The following NCAM1 variants were observed in gnomAD, a reference collection of about 807,000 sequenced individuals.
The protein encoded by NCAM1 is neural cell adhesion molecule 1.
Under a neutral mutation model 109.8 loss-of-function variants are expected in NCAM1, and 14 were observed. That is an observed-to-expected ratio of 0.13 (90% CI 0.08 to 0.20). NCAM1 has a LOEUF of 0.20. Ranked by LOEUF, NCAM1 falls within the 10% of genes least tolerant of loss-of-function variation. The probability of loss-of-function intolerance (pLI) is 1.00; values close to 1 mark genes in which losing one functional copy is unlikely to be tolerated. For synonymous variants in NCAM1, 418 were observed against 442.9 expected, an observed-to-expected ratio of 0.94 and a Z score of 0.70; for missense variants, 774 against 1,109.9, an observed-to-expected ratio of 0.70 and a Z score of 4.30.
At chr11:113,200,977 T>C (rs1555111714) in intron 1 of NCAM1, among the ~76,000 whole-genome samples, 1 of 152,150 alleles carries the variant, frequency 6.6e-6, no homozygotes, top group South Asian at 2.1e-4. Flanking sequence ...GGTTTTCCCC[T>C]CTGATTTTCA....
chr11:112,987,594 A>T (rs1444400408), intron 1 of NCAM1, among the ~76,000 whole-genome samples: 1 of 152,086 alleles, frequency 6.6e-6, no homozygotes, highest in African/African-American at 2.4e-5. Flanking sequence ...ATATATTTAC[A>T]GTTGTTATAT....
chr11:113,014,488 CG>C (rs1175544043), intron 1 of NCAM1, among the ~76,000 whole-genome samples: 1 of 152,140 alleles, frequency 6.6e-6, no homozygotes, highest in Non-Finnish European at 1.5e-5. Flanking sequence ...AAAACAGCCA[CG>C]GGCCTCCTTC....
At chr11:113,084,746 G>A (rs1434333986) in intron 1 of NCAM1, among the ~76,000 whole-genome samples, 2 of 152,166 alleles carry the variant, frequency 1.3e-5, no homozygotes, top group Non-Finnish European at 2.9e-5. Context: ...CTGAGAGCAT[G>A]GGATGTAGAA....
intron 1 of NCAM1, among the ~76,000 whole-genome samples, chr11:113,064,893 T>G (rs1392584144): frequency 6.6e-6 from 1 of 152,230 alleles, no homozygotes; most frequent in African/African-American, 2.4e-5. Flanking sequence ...TTTATAGGTA[T>G]GTGTATATAC....
chr11:113,198,373 A>AC lies in NCAM1; in HGVS notation c.53-4006_53-4005insC, dbSNP rs1334376620. Among the ~76,000 whole-genome samples, 91 of 144,612 alleles carry AC rather than the reference A, an allele frequency of 6.3e-4. No homozygotes were observed. In the South Asian group the frequency reaches 0.012, roughly 19 times the overall value. The allele number at this position is 144,612 out of a possible 152,430, so 94.9% of individuals were successfully genotyped here. A position where few individuals can be genotyped will look rare whatever the true frequency, so the allele number is the denominator to read the frequency against. On this transcript the variant is annotated intron_variant, in intron 1 of 19. Coordinates refer to ENST00000316851, the MANE Select transcript of NCAM1 (RefSeq NM_181351.5). ...ATGATGGCAGCAACTTGATATTAGA[A>AC]TTTTTTTTTTTTTTTTGAGATGGAG...
chr11:112,992,109 T>C (rs1008657780), intron 1 of NCAM1, among the ~76,000 whole-genome samples: 17 of 152,170 alleles, frequency 1.1e-4, no homozygotes, highest in Non-Finnish European at 2.5e-4. Context: ...GGTTCATTAT[T>C]TGTATTCTTG....
rs2134435223 is a variant in NCAM1 at position 112,963,613 on chromosome 11, C to T, written c.52+1949C>T. Reference sequence around the variant, plus strand: ...GCCACCCCGGTTATGCCCCTTTCCGCGGTGCCCGTGGGTGCCGCGACGCGA... The same window carrying T: ...GCCACCCCGGTTATGCCCCTTTCCGTGGTGCCCGTGGGTGCCGCGACGCGA... On this transcript the variant is annotated intron_variant, in intron 1 of 19. Transcript: ENST00000316851. The surrounding 1 kb of genome is among the most constrained non-coding windows in gnomAD (Gnocchi z 4.6). Among the ~76,000 whole-genome samples the T allele has an allele frequency of 6.6e-6, 1 of 152,284 alleles. No homozygotes were observed. The highest frequency in any genetic ancestry group is 2.1e-4 in the South Asian group (1 of 4,826).
intron 1 of NCAM1, among the ~76,000 whole-genome samples, chr11:113,065,422 G>A (rs1044497428): frequency 7.9e-5 from 12 of 152,048 alleles, no homozygotes; most frequent in Non-Finnish European, 1.8e-4. Context: ...CATAGAAAGG[G>A]GAGAAAAAAG....
chr11:113,167,875 G>C (rs1555105523), intron 1 of NCAM1, among the ~76,000 whole-genome samples: 1 of 152,054 alleles, frequency 6.6e-6, no homozygotes, highest in Admixed American at 6.5e-5. Context: ...GGTTGGGCAG[G>C]GTGTATTACT....
Position 112,961,538 on chromosome 11 carries a change from C to G in NCAM1, c.-75C>G, listed in dbSNP as rs558440771. The G allele has an allele frequency of 5.3e-6, 5 of 945,154 alleles. No individual in the cohort carries two copies. The highest frequency in any genetic ancestry group is 8.8e-6 in the Non-Finnish European group (5 of 570,728). The allele number at this position is 945,154 out of a possible 1,614,324, so 58.5% of individuals were successfully genotyped here. On this transcript the variant is annotated 5_prime_UTR_variant, in exon 1 of 20. Coordinates refer to ENST00000316851, the MANE Select transcript of NCAM1 (RefSeq NM_181351.5). The stretch of plus-strand genomic sequence containing the variant: ...GCCCCTAGGTCTGTCGCTCAGCCGC[C>G]GTCCACACTCGCTGCAGGGGGGGGG...
chr11:113,187,841 C>T (rs888516851), intron 1 of NCAM1, among the ~76,000 whole-genome samples: 18 of 152,160 alleles, frequency 1.2e-4, no homozygotes, highest in African/African-American at 4.3e-4. Flanking sequence ...TCTGGCAACT[C>T]TGGCCCTTTA....
intron 1 of NCAM1, among the ~76,000 whole-genome samples, chr11:113,020,226 A>T (rs547109306): frequency 6.6e-6 from 1 of 152,288 alleles, no homozygotes; most frequent in African/African-American, 2.4e-5. Flanking sequence ...TCTTTGTAAG[A>T]TTTGTGAATA....
chr11:113,053,965 G>T (rs1320629655), intron 1 of NCAM1, among the ~76,000 whole-genome samples: 1 of 152,194 alleles, frequency 6.6e-6, no homozygotes, highest in Non-Finnish European at 1.5e-5. Flanking sequence ...GTGGACTTGG[G>T]CCGTCTCTGC....
At chr11:113,102,012 T>C (rs558809955) in intron 1 of NCAM1, among the ~76,000 whole-genome samples, 1 of 152,206 alleles carries the variant, frequency 6.6e-6, no homozygotes, top group African/African-American at 2.4e-5. Context: ...GTTTTTATTT[T>C]CCCCTAAGTA....
intron 16 of NCAM1, among the ~76,000 whole-genome samples, chr11:113,258,701 T>TACTG (rs1469398419): frequency 3.3e-5 from 5 of 152,264 alleles, no homozygotes; most frequent in African/African-American, 1.2e-4. Context: ...ATTTCAATTA[T>TACTG]ACTGACTTGA....
At chr11:113,231,036 T>C (rs1310967799) in intron 9 of NCAM1, among the ~76,000 whole-genome samples, 1 of 152,234 alleles carries the variant, frequency 6.6e-6, no homozygotes, top group Non-Finnish European at 1.5e-5. Context: ...AGAACCCAGT[T>C]ACTCTCACTT....
intron 1 of NCAM1, among the ~76,000 whole-genome samples, chr11:113,200,949 C>T (rs190840772): frequency 4.6e-5 from 7 of 152,232 alleles, no homozygotes; most frequent in Admixed American, 1.3e-4. Context: ...TTCTTCCAAA[C>T]CAGTTTTTGG....
In NCAM1 at chr11:113,278,296, T is replaced by TAA. The variant is rs1555127110; in HGVS notation, c.*2912_*2913dup. Reference sequence around the variant, plus strand: ...ACTTCGGGGGCCTTCTCTCTTGTTATAAAACTTTTTACCAAGTGAAACATC... The same window carrying TAA: ...ACTTCGGGGGCCTTCTCTCTTGTTATAAAAAACTTTTTACCAAGTGAAACATC... On this transcript the variant is annotated 3_prime_UTR_variant, in exon 20 of 20. Transcript: ENST00000316851. The TAA allele has an allele frequency of 6.6e-6, 1 of 152,234 alleles. No individual in the cohort carries two copies. Among genetic ancestry groups the TAA allele is most frequent in the Non-Finnish European group, 1.5e-5 (1 of 68,044 alleles). 9.4% of individuals were successfully genotyped at this position (152,234 alleles called of 1,614,324 possible).
chr11:113,271,600 G>T (rs11214563), intron 18 of NCAM1, among the ~76,000 whole-genome samples, 160 bp from the exon 19 acceptor site: 5,858 of 152,138 alleles, frequency 0.039, 160 homozygotes, highest in Middle Eastern at 0.12. Context: ...TGAAGCTCAA[G>T]GTCACACAGC....
Sources: allele counts gnomAD v4.1 joint callset (sites outside exome capture counted in the v4.1 genomes callset), GRCh38; gene constraint gnomAD v4.1.1; non-coding constraint Gnocchi (gnomAD v3.1); transcripts MANE v1.5; gene names NCBI Gene and HGNC (gene_info 2026-07-23, HGNC 2026-07-21).